The following SPIDR variants were observed in gnomAD, a reference collection of about 807,000 sequenced individuals.
The protein encoded by SPIDR is DNA repair-scaffolding protein.
SPIDR carries 93 observed loss-of-function variants against 104.6 expected under a neutral mutation model. That is an observed-to-expected ratio of 0.89 (90% CI 0.75 to 1.06). The LOEUF is 1.06. SPIDR is among the 50% of genes least tolerant of loss of function. SPIDR has a pLI of 0.00. For synonymous variants in SPIDR, 431 were observed against 416.9 expected (o/e 1.03, Z -0.41); for missense variants, 1,154 against 1,111.2 (o/e 1.04, Z -0.55).
intron 16 of SPIDR, among the ~76,000 whole-genome samples, chr8:47,726,943 A>G (rs1161919565): frequency 6.6e-6 from 1 of 152,196 alleles, no homozygotes; most frequent in East Asian, 1.9e-4. Flanking sequence ...CTACCTATGC[A>G]TCTGGAAAAA....
At chr8:47,300,300 C>T (rs1028671347) in intron 5 of SPIDR, among the ~76,000 whole-genome samples, 40 of 151,966 alleles carry the variant, frequency 2.6e-4, no homozygotes, top group Non-Finnish European at 1.5e-5. Flanking sequence ...TGGTGATATC[C>T]CCTTTATCAT....
At chr8:47,724,366 C>T (rs1341934455) in intron 16 of SPIDR, among the ~76,000 whole-genome samples, 1 of 152,232 alleles carries the variant, frequency 6.6e-6, no homozygotes, top group Non-Finnish European at 1.5e-5. Context: ...GTGACCTACT[C>T]CTACACAGTC....
intron 8 of SPIDR, among the ~76,000 whole-genome samples, chr8:47,486,760 A>G (rs1304981888): frequency 6.6e-5 from 10 of 152,212 alleles, no homozygotes; most frequent in African/African-American, 2.4e-4. Flanking sequence ...ACGCTTCATA[A>G]GTGAAGGAGA....
chr8:47,701,606 G>A, intron 12 of SPIDR, 115 bp from the exon 13 acceptor site: 2 of 982,530 alleles, frequency 2.0e-6, no homozygotes, highest in Non-Finnish European at 3.0e-6. Context: ...ATTCCAGAGA[G>A]AGGATGCACC....
At chr8:47,328,608 A>G (rs2048110077) in intron 5 of SPIDR, among the ~76,000 whole-genome samples, 1 of 152,016 alleles carries the variant, frequency 6.6e-6, no homozygotes, top group Non-Finnish European at 1.5e-5. Context: ...ATTTGTTGAA[A>G]AGATTATTCT....
chr8:47,688,015 A>ATGTGTGTGTG (rs1563546666), intron 11 of SPIDR, among the ~76,000 whole-genome samples: 2 of 62,464 alleles, frequency 3.2e-5, no homozygotes, highest in Admixed American at 2.2e-4. Context: ...CAAAAAAAAA[A>ATGTGTGTGTG]AGTGTGTGTG....
intron 7 of SPIDR, among the ~76,000 whole-genome samples, chr8:47,437,108 T>C (rs1358102448): frequency 6.6e-6 from 1 of 152,188 alleles, no homozygotes; most frequent in Non-Finnish European, 1.5e-5. Flanking sequence ...TCTTTTTTTT[T>C]TATACTTTAA....
intron 5 of SPIDR, among the ~76,000 whole-genome samples, chr8:47,308,070 GTT>G (rs1367393461): frequency 6.6e-6 from 1 of 151,550 alleles, no homozygotes; most frequent in African/African-American, 2.4e-5. Flanking sequence ...TGTTTGTTTT[GTT>G]TTGTTTTGAG....
intron 5 of SPIDR, among the ~76,000 whole-genome samples, chr8:47,367,679 C>G (rs1469254324): frequency 6.6e-6 from 1 of 152,194 alleles, no homozygotes; most frequent in Non-Finnish European, 1.5e-5. Flanking sequence ...GCCACCCTTC[C>G]CATGGCCAGC....
intron 8 of SPIDR, among the ~76,000 whole-genome samples, chr8:47,506,854 C>T (rs973269933): frequency 6.6e-5 from 10 of 152,136 alleles, no homozygotes; most frequent in African/African-American, 1.4e-4. Context: ...ATGTAGCAGG[C>T]GGTCCCTCCA....
intron 11 of SPIDR, among the ~76,000 whole-genome samples, chr8:47,682,214 G>A (rs537745056): frequency 2.8e-5 from 4 of 143,500 alleles, no homozygotes; most frequent in African/African-American, 5.2e-5. Context: ...AAAGGAGCAT[G>A]CTACAACATG....
At chr8:47,717,494 A>AC (rs1261556708) in intron 16 of SPIDR, among the ~76,000 whole-genome samples, 6 of 152,160 alleles carry the variant, frequency 3.9e-5, no homozygotes, top group Admixed American at 2.6e-4. Flanking sequence ...GGTTTCCCTA[A>AC]CCCATTCCTA....
At chr8:47,346,546 C>T (rs2052087356) in intron 5 of SPIDR, among the ~76,000 whole-genome samples, 1 of 152,132 alleles carries the variant, frequency 6.6e-6, no homozygotes, top group Non-Finnish European at 1.5e-5. Context: ...GGAATGGTGC[C>T]AGCTCCTCTT....
intron 10 of SPIDR, among the ~76,000 whole-genome samples, chr8:47,647,342 C>T (rs1009957169): frequency 6.6e-6 from 1 of 152,134 alleles, no homozygotes; most frequent in African/African-American, 2.4e-5. Context: ...AGCCCAGGCG[C>T]AGTGGCTCAC....
chr8:47,440,019 C>T (rs1416693021), intron 7 of SPIDR, among the ~76,000 whole-genome samples: 1 of 152,204 alleles, frequency 6.6e-6, no homozygotes, highest in Non-Finnish European at 1.5e-5. Context: ...AAAACGCATG[C>T]TCCTTAAAAT....
chr8:47,320,396 A>G (rs1563602509), intron 5 of SPIDR, among the ~76,000 whole-genome samples: 1 of 152,224 alleles, frequency 6.6e-6, no homozygotes, highest in Non-Finnish European at 1.5e-5. Context: ...AGACTAAACC[A>G]GAAAGAAGTT....
At chr8:47,288,006 G>T (rs2039188132) in intron 3 of SPIDR, among the ~76,000 whole-genome samples, 1 of 152,076 alleles carries the variant, frequency 6.6e-6, no homozygotes, top group East Asian at 1.9e-4. Context: ...TATTAATTTT[G>T]GGAACTGATA....
At chr8:47,626,856 A>G (rs1322892383) in intron 10 of SPIDR, among the ~76,000 whole-genome samples, 5 of 152,168 alleles carry the variant, frequency 3.3e-5, no homozygotes, top group Non-Finnish European at 7.4e-5. Flanking sequence ...TAGAACTAGA[A>G]ATACCATTTG....
intron 11 of SPIDR, among the ~76,000 whole-genome samples, chr8:47,694,128 A>G (rs530903044): frequency 2.6e-5 from 4 of 151,878 alleles, no homozygotes; most frequent in Non-Finnish European, 5.9e-5. Flanking sequence ...TACATTATTT[A>G]TAAATAACCC....
Sources: gnomAD v4.1 joint callset for allele counts (sites outside exome capture counted in the v4.1 genomes callset) on GRCh38, gnomAD v4.1.1 for gene constraint, MANE v1.5 for transcripts, NCBI Gene and HGNC (gene_info 2026-07-23, HGNC 2026-07-21) for gene names.